ANAPC2: variants seen among roughly 807,000 people sequenced by gnomAD.
ANAPC2 encodes anaphase promoting complex subunit 2.
In ANAPC2, 29 loss-of-function variants were observed where a neutral mutation model predicts 84.3. The ratio of observed to expected loss-of-function variants is 0.34; its 90% CI spans 0.26 to 0.47. The LOEUF (loss-of-function observed/expected upper bound fraction) is 0.47, where lower values mean the gene tolerates loss of function less well. Ranked by LOEUF, ANAPC2 falls within the 20% of genes least tolerant of loss-of-function variation. The pLI, the probability that ANAPC2 is intolerant of heterozygous loss-of-function variation, is 1.00. For synonymous variants in ANAPC2, 571 were observed against 479.4 expected, an observed-to-expected ratio of 1.19 and a Z score of -2.50; for missense variants, 857 against 1,131.7, an observed-to-expected ratio of 0.76 and a Z score of 3.48.
chr9:137,181,892 A>G (rs1834351237), intron 6 of ANAPC2, 30 bp from the exon 7 acceptor site: 3 of 1,586,134 alleles, frequency 1.9e-6, no homozygotes, highest in Admixed American at 1.7e-5. Context: ...TGTGGCCCAC[A>G]GTGTGGACAC....
Position 137,186,302 on chromosome 9 carries a change from C to T in ANAPC2, c.795G>A (p.Leu265=). 3 of 1,612,076 alleles carry T rather than the reference C, an allele frequency of 1.9e-6. No individual in the cohort carries two copies. The highest frequency in any genetic ancestry group is 2.5e-6 in the Non-Finnish European group (3 of 1,179,886). Residue 265 remains leucine (L), a synonymous_variant, in exon 3 of 13, where the codon CTG becomes CTA. Coordinates refer to ENST00000323927, the MANE Select transcript of ANAPC2 (RefSeq NM_013366.4). ...CCATCCTCTCCCGGGTCACCTGGTG[C>T]AGGGTGGTGGTCACAGCCTCGGCAC... ...RVSAEAVTTT[L]HQVTRERMED...
At chr9:137,186,634 GGCA>G in intron 2 of ANAPC2, 1 of 468,500 alleles carries the variant, frequency 2.1e-6, no homozygotes, top group Non-Finnish European at 3.8e-6. Context: ...TGTGATCAGT[GGCA>G]GCAGGTGTGG....
In ANAPC2 at chr9:137,175,124, T is replaced by A. The variant is rs1394761756; in HGVS notation, c.2287A>T (p.Thr763Ser). 1 of 1,609,200 alleles carries A rather than the reference T, an allele frequency of 6.2e-7. No homozygotes were observed. Among genetic ancestry groups the A allele is most frequent in the East Asian group, 2.2e-5 (1 of 44,756 alleles). ...LFWTYIQAML[T>S]NLESLSLDRI... Reference sequence around the variant, plus strand: ...TCCAGTGAGAGGCTCTCCAGGTTGGTCAGCATGGCCTGGATGTACGTCCAG... The same window carrying A: ...TCCAGTGAGAGGCTCTCCAGGTTGGACAGCATGGCCTGGATGTACGTCCAG... Residue 763 changes from threonine to serine, a missense_variant, in exon 13 of 13, where the codon ACC (threonine) becomes TCC (serine). Coordinates refer to ENST00000323927, the MANE Select transcript of ANAPC2 (RefSeq NM_013366.4).
At chr9:137,178,657 A>G (rs1343476559) in intron 10 of ANAPC2, among the ~76,000 whole-genome samples, 2 of 152,012 alleles carry the variant, frequency 1.3e-5, no homozygotes, top group African/African-American at 2.4e-5. Flanking sequence ...CACAGGCCAG[A>G]GCTCGAGGTG....
intron 6 of ANAPC2, 82 bp from the exon 7 acceptor site, chr9:137,181,944 T>C: frequency 1.4e-6 from 2 of 1,475,486 alleles, no homozygotes; most frequent in Non-Finnish European, 1.8e-6. Context: ...CCCGGCCCCA[T>C]CTAGGCCAGC....
intron 6 of ANAPC2, among the ~76,000 whole-genome samples, chr9:137,182,295 G>A (rs985688332): frequency 2.6e-5 from 4 of 152,188 alleles, no homozygotes; most frequent in Non-Finnish European, 4.4e-5. Flanking sequence ...GGCGGATCAC[G>A]AGGTCAGGAG....
chr9:137,187,890 G>A lies in ANAPC2; in HGVS notation c.331C>T (p.Leu111Phe). The change falls in exon 2 of 13, where the codon CTC becomes TTC. Residue 111 changes from leucine to phenylalanine, a missense_variant. Physicochemically the swap from Leu to Phe is conservative, Grantham distance 22. Coordinates refer to ENST00000323927, the MANE Select transcript of ANAPC2 (RefSeq NM_013366.4). Reference sequence around the variant, plus strand: ...TCCAGCAGGCCAAAAGCGTCAAGGAGTAGCAAAAGGCACTGGGGCTCATCC... The same window carrying A: ...TCCAGCAGGCCAAAAGCGTCAAGGAATAGCAAAAGGCACTGGGGCTCATCC... The part of the protein sequence containing the change: ...SADEPQCLLL[L>F]LDAFGLLESR... 6.2e-7 allele frequency: 1 copy of A among 1,613,766 alleles called. No homozygotes were observed. Among genetic ancestry groups the A allele is most frequent in the Non-Finnish European group, 8.5e-7 (1 of 1,180,044 alleles).
chr9:137,183,531 C>T, intron 5 of ANAPC2, 141 bp downstream of exon 5: 1 of 1,313,554 alleles, frequency 7.6e-7, no homozygotes, highest in Non-Finnish European at 1.0e-6. Context: ...CCCTAAGGAC[C>T]TCACCAATTG....
intron 10 of ANAPC2, among the ~76,000 whole-genome samples, chr9:137,177,863 A>G (rs1032520446): frequency 2.6e-5 from 4 of 152,324 alleles, no homozygotes; most frequent in African/African-American, 9.6e-5. Flanking sequence ...GCGACGCGGC[A>G]GAGACCAGAG....
At chr9:137,179,581 A>G (rs982083997) in intron 10 of ANAPC2, among the ~76,000 whole-genome samples, 2 of 152,166 alleles carry the variant, frequency 1.3e-5, no homozygotes. Context: ...AGTGACCTCC[A>G]GGCCAGGGCT....
rs1255458811 is a variant in ANAPC2 at position 137,181,571 on chromosome 9, T to TAGCGACACC, written c.1468+101_1468+109dup. On this transcript the variant is annotated intron_variant, in intron 7 of 12. Transcript: ENST00000323927. ...TGACACCCTCAAGCCTCTGAGACAC[T>TAGCGACACC]AGCGACACCTGACACAGCCAAGCTC... 1.4e-5 allele frequency: 17 copies of TAGCGACACC among 1,229,974 alleles called. No individual in the cohort carries two copies. In the African/African-American group the frequency reaches 2.5e-4, roughly 18 times the overall value. 76.2% of individuals were successfully genotyped at this position (1,229,974 alleles called of 1,614,324 possible). A position where few individuals can be genotyped will look rare whatever the true frequency, so the allele number is the denominator to read the frequency against.
At chr9:137,177,548 A>C (rs1420444716) in intron 10 of ANAPC2, among the ~76,000 whole-genome samples, 1 of 148,548 alleles carries the variant, frequency 6.7e-6, no homozygotes, top group Admixed American at 6.6e-5. Context: ...ATGTGTGTGG[A>C]ACTTTGTGTG....
Position 137,185,000 on chromosome 9 carries a change from G to C in ANAPC2, c.961C>G (p.Leu321Val), listed in dbSNP as rs913509887. The C allele has an allele frequency of 6.2e-7, 1 of 1,608,406 alleles. No homozygotes were observed. Among genetic ancestry groups the C allele is most frequent in the Non-Finnish European group, 8.5e-7 (1 of 1,178,222 alleles). ...TGCACGTGGCAGCGCCAGCGGCGCA[G>C]GGTGTTGCCGGCCTCGGGAGATGCG... ...RPASPEAGNT[L>V]RRWRCHVQRF... Residue 321 changes from leucine (L) to valine (V), a missense_variant, in exon 4 of 13, where the codon CTG becomes GTG. Transcript: ENST00000323927.
intron 10 of ANAPC2, chr9:137,176,043 A>G (rs1834202804): frequency 6.7e-6 from 4 of 593,466 alleles, no homozygotes; most frequent in Non-Finnish European, 1.2e-5. Context: ...CCAGCATCAT[A>G]AGGTGTGTCC....
chr9:137,182,980 G>C lies in ANAPC2; in HGVS notation c.1286+145C>G. On this transcript the variant is annotated intron_variant, in intron 6 of 12. Coordinates refer to ENST00000323927, the MANE Select transcript of ANAPC2 (RefSeq NM_013366.4). The stretch of plus-strand genomic sequence containing the variant: ...GGCAAGAGGAAAGGAAAGAGCCTCG[G>C]GCCTGATCCCGTGCACTCAGCCCAG... 4.6e-6 allele frequency: 3 copies of C among 646,614 alleles called. No individual in the cohort carries two copies. In the South Asian group the frequency reaches 5.5e-5, roughly 12 times the overall value. The allele number at this position is 646,614 out of a possible 1,614,324, so 40.1% of individuals were successfully genotyped here.
chr9:137,187,572 G>C lies in ANAPC2; in HGVS notation c.649C>G (p.Gln217Glu). 1 of 1,613,910 alleles carries C rather than the reference G, an allele frequency of 6.2e-7. No individual in the cohort carries two copies. The highest frequency in any genetic ancestry group is 2.2e-5 in the East Asian group (1 of 44,888). ...YARRRYYRLLQSPLCAGCSSD... is the reference protein window; with the variant it reads ...YARRRYYRLLESPLCAGCSSD... ...CTGCACCCTGCACACAGCGGGCTCT[G>C]CAGGAGCCGGTAGTACCGGCGACGG... The change falls in exon 2 of 13, where the codon CAG becomes GAG. Residue 217 changes from glutamine to glutamate, a missense_variant. Around this residue, in one of 3 missense-constraint regions of ANAPC2, gnomAD observed 428 missense variants for 513.8 expected, o/e 0.83. Coordinates refer to ENST00000323927, the MANE Select transcript of ANAPC2 (RefSeq NM_013366.4).
chr9:137,187,894 C>G lies in ANAPC2; in HGVS notation c.327G>C (p.Leu109Phe). ...ENSADEPQCL[L>F]LLLDAFGLLE... ...GCAGGCCAAAAGCGTCAAGGAGTAG[C>G]AAAAGGCACTGGGGCTCATCCGCAG... Residue 109 changes from leucine (L) to phenylalanine (F), a missense_variant, in exon 2 of 13, where the codon TTG (leucine) becomes TTC (phenylalanine). Physicochemically the swap from Leu to Phe is conservative, Grantham distance 22. Coordinates refer to ENST00000323927, the MANE Select transcript of ANAPC2 (RefSeq NM_013366.4). 6.8e-6 allele frequency: 11 copies of G among 1,613,758 alleles called. No homozygotes were observed. Among genetic ancestry groups the G allele is most frequent in the Non-Finnish European group, 9.3e-6 (11 of 1,180,036 alleles).
intron 11 of ANAPC2, 24 bp downstream of exon 11, chr9:137,175,684 C>T (rs1471350641): frequency 1.2e-6 from 2 of 1,601,634 alleles, no homozygotes; most frequent in South Asian, 2.2e-5. Flanking sequence ...CCGGGGCAGG[C>T]CAGCTAGGGG....
chr9:137,182,880 G>C (rs1233607759), intron 6 of ANAPC2, among the ~76,000 whole-genome samples: 1 of 152,240 alleles, frequency 6.6e-6, no homozygotes, highest in Non-Finnish European at 1.5e-5. Flanking sequence ...GCTGAGGAAG[G>C]GCTGTGGTGG....
Sources: allele counts gnomAD v4.1 joint callset (sites outside exome capture counted in the v4.1 genomes callset), GRCh38; gene constraint gnomAD v4.1.1; regional missense constraint gnomAD v4.1.1; transcripts MANE v1.5; gene names NCBI Gene and HGNC (gene_info 2026-07-23, HGNC 2026-07-21).